Variants in MYH7B observed in about 807,000 individuals in gnomAD.
The protein encoded by MYH7B is myosin heavy chain 7B.
MYH7B carries 205 observed loss-of-function variants against 234.5 expected under a neutral mutation model. The ratio of observed to expected loss-of-function variants is 0.87; its 90% CI spans 0.78 to 0.98. The LOEUF (loss-of-function observed/expected upper bound fraction) is 0.98. Among genes scored for constraint, MYH7B ranks in the 50% least tolerant of loss-of-function variants. The probability of loss-of-function intolerance (pLI) is 0.00; values close to 1 mark genes in which losing one functional copy is unlikely to be tolerated. For synonymous variants in MYH7B, 1,193 were observed against 1,105.0 expected, an observed-to-expected ratio of 1.08 and a Z score of -1.58; for missense variants, 2,652 against 2,633.4, an observed-to-expected ratio of 1.01 and a Z score of -0.15.
intron 2 of MYH7B, among the ~76,000 whole-genome samples, chr20:34,971,483 G>A (rs1169388163): frequency 1.3e-5 from 2 of 150,772 alleles, no homozygotes; most frequent in Non-Finnish European, 2.9e-5. Flanking sequence ...GGCTGCCCTC[G>A]TCCTATTTTT....
chr20:34,998,515 G>A, exon 34 of MYH7B: 1 of 1,613,526 alleles, frequency 6.2e-7, no homozygotes, highest in Non-Finnish European at 8.5e-7. Context: ...CTGCAGGGGA[G>A]CTGAGTCGCC....
rs759779329 is a variant in MYH7B, at chr20:35,001,042, G to T, written c.5359G>T (p.Glu1787Ter). The T allele has an allele frequency of 9.9e-6, 16 of 1,613,908 alleles. No homozygotes were observed. In the South Asian group the frequency reaches 1.4e-4, roughly 14 times the overall value. The change falls in exon 41 of 45, where the codon GAA becomes TAA. Residue 1787 changes from glutamate to a stop codon, truncating the protein, a stop_gained. Coordinates refer to ENST00000262873, the Ensembl canonical transcript of MYH7B. LOFTEE classifies it high-confidence loss of function. ...GGAGCAGGACACAAGTGCACACCTGGAACGGATGAAGAAGACGCTGGAGCA... is the reference window on the plus strand; with the variant it reads ...GGAGCAGGACACAAGTGCACACCTGTAACGGATGAAGAAGACGCTGGAGCA...
exon 13 of MYH7B, chr20:34,985,124 A>G: frequency 6.2e-7 from 1 of 1,613,988 alleles, no homozygotes; most frequent in African/African-American, 1.3e-5. Flanking sequence ...GCGGATATTG[A>G]CAGCTGTGAG....
chr20:34,997,007 TG>T, intron 30 of MYH7B, 75 bp from the exon 31 acceptor site: 2 of 1,342,140 alleles, frequency 1.5e-6, no homozygotes, highest in Non-Finnish European at 9.7e-7. Flanking sequence ...TGAAGGGGAC[TG>T]GGGGGCGTTA....
rs373482344 is a variant in MYH7B, at chr20:34,979,791, G to T, written c.329G>T (p.Arg110Leu). The change falls in exon 7 of 45, where the codon CGC becomes CTC. Residue 110 changes from arginine to leucine, a missense_variant. By Grantham distance (102) the Arg-to-Leu change is moderately radical (BLOSUM62 -2). This residue lies in a region of MYH7B where 366 missense variants were observed against 401.2 expected (regional missense o/e 0.91). Coordinates refer to ENST00000262873, the Ensembl canonical transcript of MYH7B. ...CACAACCTGCGCCAGCGCTATGCCC[G>T]CTGGATGATCTATGTGAGCCCCAGG... is the stretch of plus-strand genomic sequence containing the variant. 49 of 1,613,752 alleles carry T rather than the reference G, an allele frequency of 3.0e-5. No individual in the cohort carries two copies. In the African/African-American group the frequency reaches 5.7e-4, roughly 19 times the overall value.
At chr20:34,977,062 C>CA (rs11480197) in intron 3 of MYH7B, among the ~76,000 whole-genome samples, 2 of 21,976 alleles carry the variant, frequency 9.1e-5, no homozygotes, top group African/African-American at 7.4e-4. Context: ...CCCCTCCCCC[C>CA]TCTCTCTCTC....
chr20:34,982,471 G>T, exon 10 of MYH7B: 2 of 1,613,998 alleles, frequency 1.2e-6, no homozygotes, highest in Non-Finnish European at 8.5e-7. Flanking sequence ...GAGAGTCGGG[G>T]GCCGGTAAGA....
At chr20:35,002,367 A>AACAC (rs1390485272) in exon 45 of MYH7B, 5 of 632,636 alleles carry the variant, frequency 7.9e-6, no homozygotes, top group Non-Finnish European at 1.2e-5. Context: ...CAGGAGGAAA[A>AACAC]ACACAGTCCT....
chr20:35,001,844 A>C, intron 43 of MYH7B, 104 bp from the exon 44 acceptor site: 1 of 1,507,826 alleles, frequency 6.6e-7, no homozygotes, highest in African/African-American at 1.4e-5. Flanking sequence ...ATAGGAACAA[A>C]GTTGAGAACC....
chr20:34,979,896 G>T, intron 7 of MYH7B, 92 bp downstream of exon 7: 1 of 1,429,448 alleles, frequency 7.0e-7, no homozygotes, highest in Non-Finnish European at 9.5e-7. Context: ...ATAGCGGTGG[G>T]GCGGGGCTGT....
At chr20:34,984,643 T>G in intron 10 of MYH7B, 49 bp from the exon 11 acceptor site, 7 of 1,564,226 alleles carry the variant, frequency 4.5e-6, no homozygotes, top group South Asian at 1.1e-5. Context: ...ACCCCGCCCT[T>G]CCCCACCGGA....
chr20:34,986,770 A>C, intron 14 of MYH7B, 116 bp from the exon 15 acceptor site: 1 of 756,516 alleles, frequency 1.3e-6, no homozygotes, highest in African/African-American at 1.7e-5. Flanking sequence ...GTCCTCTGGG[A>C]GGGCCCTAGA....
chr20:34,984,899 G>A, exon 12 of MYH7B: 1 of 1,614,094 alleles, frequency 6.2e-7, no homozygotes, highest in Non-Finnish European at 8.5e-7. Flanking sequence ...TGCCATGGAG[G>A]CCTTTGGCAA....
intron 4 of MYH7B, 59 bp downstream of exon 4, chr20:34,977,739 T>TGGGGGGGGGGGGGGGGCCCCC: frequency 2.1e-6 from 1 of 469,212 alleles, no homozygotes; most frequent in African/African-American, 2.4e-5. Flanking sequence ...GGCGGGTGGG[T>TGGGGGGGGGGGGGGGGCCCCC]GAGGGTGCCC....
At chr20:34,979,913 T>G in intron 7 of MYH7B, 109 bp downstream of exon 7, 1 of 1,172,400 alleles carries the variant, frequency 8.5e-7, no homozygotes, top group Non-Finnish European at 1.1e-6. Flanking sequence ...CTGTGAGCGG[T>G]GGATCGGGGC....
chr20:34,990,622 G>T, intron 22 of MYH7B, 116 bp from the exon 23 acceptor site: 1 of 915,538 alleles, frequency 1.1e-6, no homozygotes, highest in South Asian at 1.4e-5. Flanking sequence ...GAGAGTGAAA[G>T]AGCAAAAGTG....
chr20:34,973,673 C>T (rs2147160387), intron 2 of MYH7B, among the ~76,000 whole-genome samples: 1 of 152,368 alleles, frequency 6.6e-6, no homozygotes, highest in East Asian at 1.9e-4. Context: ...CCGCATCCTG[C>T]TTCCTGTCGC....
At chr20:34,993,200 C>A in exon 25 of MYH7B, 2 of 1,614,024 alleles carry the variant, frequency 1.2e-6, no homozygotes, top group Middle Eastern at 1.7e-4. Flanking sequence ...TTGGATCACA[C>A]CCAGTACCAG....
At position 35,000,389 on chromosome 20, in the gene MYH7B, G is replaced by A. The variant is rs767638148; in HGVS notation, c.4878G>A (p.Glu1626=). 1.3e-5 allele frequency: 20 copies of A among 1,599,810 alleles called. No individual in the cohort carries two copies. Among genetic ancestry groups the A allele is most frequent in the Middle Eastern group, 1.6e-4 (1 of 6,062 alleles). ...CGCTGCGGCTCAAGAAGAAGATGGAGGGTGACCTCAACGACCTGGAGCTGC... is the reference window on the plus strand; with the variant it reads ...CGCTGCGGCTCAAGAAGAAGATGGAAGGTGACCTCAACGACCTGGAGCTGC... Residue 1626 remains glutamate, a synonymous_variant, in exon 39 of 45, where the codon GAG becomes GAA. Transcript: ENST00000262873.
Sources: gnomAD v4.1 joint callset for allele counts (sites outside exome capture counted in the v4.1 genomes callset) on GRCh38, gnomAD v4.1.1 for gene constraint, gnomAD v4.1.1 regional missense constraint, MANE v1.5 for transcripts, NCBI Gene and HGNC (gene_info 2026-07-23, HGNC 2026-07-21) for gene names.